The following STX8 variants were observed in gnomAD, a reference collection of about 807,000 sequenced individuals.
STX8 encodes the protein syntaxin-8.
A neutral mutation model predicts 37.5 loss-of-function variants in STX8; 23 were observed. The observed-to-expected ratio is 0.61, with a 90% CI of 0.44 to 0.87. The LOEUF (loss-of-function observed/expected upper bound fraction) is 0.87, where lower values mean the gene tolerates loss of function less well. Ranked by LOEUF, STX8 falls within the 40% of genes least tolerant of loss-of-function variation. The pLI is 0.00. For missense variants in STX8, 313 were observed against 284.7 expected (o/e 1.10, Z -0.71); for synonymous variants, 115 against 99.1 (o/e 1.16, Z -0.95).
chr17:9,543,355 G>A (rs888108027), intron 4 of STX8, among the ~76,000 whole-genome samples: 11 of 151,126 alleles, frequency 7.3e-5, no homozygotes, highest in Admixed American at 4.0e-4. Context: ...GTGCAGTGGC[G>A]TGATCTCGGC....
At position 9,367,799 on chromosome 17, in the gene STX8, C is replaced by T. The variant is rs561946170; in HGVS notation, c.643+10753G>A. ...AGGCTGGAGTGCAGTGGTAGGATCT[C>T]GGCTCACTGCAACCTCCACCTTCTG... On this transcript the variant is annotated intron_variant, in intron 7 of 7. Coordinates refer to ENST00000306357, the MANE Select transcript of STX8 (RefSeq NM_004853.3). Among the ~76,000 whole-genome samples, 51 of 152,178 alleles carry T rather than the reference C, an allele frequency of 3.4e-4. No individual in the cohort carries two copies. The South Asian group carries it at 7.3e-3, about 22-fold the overall frequency.
intron 6 of STX8, among the ~76,000 whole-genome samples, chr17:9,487,941 A>T (rs1423241728): frequency 1.3e-5 from 2 of 152,206 alleles, no homozygotes; most frequent in African/African-American, 4.8e-5. Flanking sequence ...TGCTTCTCAA[A>T]TCTGGCAGCA....
chr17:9,543,160 C>T (rs1359935853), intron 4 of STX8, among the ~76,000 whole-genome samples: 1 of 152,154 alleles, frequency 6.6e-6, no homozygotes, highest in Non-Finnish European at 1.5e-5. Flanking sequence ...ATGTTTTGTC[C>T]TCTTTCTGAC....
At chr17:9,418,235 G>A (rs988259963) in intron 6 of STX8, among the ~76,000 whole-genome samples, 1 of 152,112 alleles carries the variant, frequency 6.6e-6, no homozygotes, top group African/African-American at 2.4e-5. Flanking sequence ...CAGAGACGTG[G>A]TATTGGAAAA....
chr17:9,462,728 C>A (rs937609430), intron 6 of STX8, among the ~76,000 whole-genome samples: 1 of 152,038 alleles, frequency 6.6e-6, no homozygotes, highest in African/African-American at 2.4e-5. Flanking sequence ...GTCTCAACAA[C>A]GAAATAATTT....
At chr17:9,355,224 T>C (rs1910836863) in intron 7 of STX8, among the ~76,000 whole-genome samples, 1 of 152,156 alleles carries the variant, frequency 6.6e-6, no homozygotes, top group Non-Finnish European at 1.5e-5. Context: ...TTTCCTTTGG[T>C]AATTTGTTGA....
At chr17:9,565,556 C>T (rs142261240) in intron 2 of STX8, among the ~76,000 whole-genome samples, 1,685 of 140,644 alleles carry the variant, frequency 0.012, 17 homozygotes, top group Middle Eastern at 0.042. Context: ...GGAGAGGTTG[C>T]AGTGAGCTGA....
intron 7 of STX8, among the ~76,000 whole-genome samples, chr17:9,330,957 C>A (rs1909943886): frequency 6.6e-6 from 1 of 152,196 alleles, no homozygotes; most frequent in Admixed American, 6.5e-5. Context: ...GCAATTTTTT[C>A]TCTTTTTAAA....
intron 6 of STX8, among the ~76,000 whole-genome samples, chr17:9,385,930 C>T (rs777603128): frequency 2.0e-5 from 3 of 152,120 alleles, no homozygotes; most frequent in East Asian, 1.9e-4. Context: ...CGCGCCACTG[C>T]GCCTGTCTAA....
chr17:9,390,946 A>G (rs1239345838), intron 6 of STX8, among the ~76,000 whole-genome samples: 1 of 152,218 alleles, frequency 6.6e-6, no homozygotes, highest in Non-Finnish European at 1.5e-5. Flanking sequence ...CCCCCTCAAA[A>G]AAAAGTGACA....
At chr17:9,480,149 C>T (rs561761857) in intron 6 of STX8, among the ~76,000 whole-genome samples, 3 of 152,316 alleles carry the variant, frequency 2.0e-5, no homozygotes, top group African/African-American at 4.8e-5. Context: ...TGTGCAGTAT[C>T]TGTCCAGCAG....
chr17:9,319,811 C>T lies in STX8; in HGVS notation c.643+58741G>A, dbSNP rs149123456. On this transcript the variant is annotated intron_variant, in intron 7 of 7. Coordinates refer to ENST00000306357, the MANE Select transcript of STX8 (RefSeq NM_004853.3). ...ACTAAAAATACAAAAATTAGCCAGG[C>T]CTGGTGTCACACACTTGTAATCCGA... is the stretch of plus-strand genomic sequence containing the variant. Among the ~76,000 whole-genome samples the T allele has an allele frequency of 4.3e-3, 643 of 150,864 alleles. 6 individuals are homozygous for T. The highest frequency in any genetic ancestry group is 0.015 in the African/African-American group (603 of 41,086).
intron 7 of STX8, among the ~76,000 whole-genome samples, chr17:9,311,911 G>C (rs916514588): frequency 5.3e-5 from 8 of 151,942 alleles, no homozygotes; most frequent in Non-Finnish European, 1.5e-5. Flanking sequence ...GCAGCAGCGT[G>C]ATCTTGGCTC....
chr17:9,475,403 A>G (rs977028640), intron 6 of STX8, among the ~76,000 whole-genome samples: 4 of 152,186 alleles, frequency 2.6e-5, no homozygotes, highest in Non-Finnish European at 5.9e-5. Context: ...GTCAATGGCT[A>G]TTGGCAGCCA....
chr17:9,522,711 CA>C lies in STX8; in HGVS notation c.324-17550del, dbSNP rs1214393947. Among the ~76,000 whole-genome samples the C allele has an allele frequency of 3.2e-3, 454 of 142,830 alleles. 3 individuals are homozygous for C. The highest frequency in any genetic ancestry group is 0.01 in the African/African-American group (403 of 39,088). The allele number at this position is 142,830 out of a possible 152,430, so 93.7% of individuals were successfully genotyped here. ...TGGGCGAAAGAGCGAGACTCCATCT[CA>C]AAAAAAAAAAGTTGATATCATACAA... On this transcript the variant is annotated intron_variant, in intron 4 of 7. Transcript: ENST00000306357.
In STX8 at chr17:9,560,462, T is replaced by C. The variant is rs4461108; in HGVS notation, c.118-2934A>G. On this transcript the variant is annotated intron_variant, in intron 2 of 7. Transcript: ENST00000306357. ...TCATTAGTCATAAAGTGAAAAAAAATCAAGGGCATTCCTAAATTTAAGTAA... is the reference window on the plus strand; with the variant it reads ...TCATTAGTCATAAAGTGAAAAAAAACCAAGGGCATTCCTAAATTTAAGTAA... Among the ~76,000 whole-genome samples the C allele has an allele frequency of 8.4e-3, 1,129 of 133,992 alleles. 10 individuals carry two copies. Among genetic ancestry groups the C allele is most frequent in the South Asian group, 0.016 (67 of 4,256 alleles). The allele number at this position is 133,992 out of a possible 152,430, so 87.9% of individuals were successfully genotyped here.
At chr17:9,559,748 A>ATT (rs1907135223) in intron 2 of STX8, among the ~76,000 whole-genome samples, 1 of 31,022 alleles carries the variant, frequency 3.2e-5, no homozygotes, top group African/African-American at 1.4e-4. Context: ...ATATATATAT[A>ATT]TATATATATA....
At chr17:9,304,491 A>G (rs372882356) in intron 7 of STX8, among the ~76,000 whole-genome samples, 3 of 150,252 alleles carry the variant, frequency 2.0e-5, no homozygotes, top group African/African-American at 7.3e-5. Context: ...CCTGGGCAAC[A>G]AGAGCGAAAC....
chr17:9,540,247 G>C (rs565084182), intron 4 of STX8, among the ~76,000 whole-genome samples: 2 of 152,260 alleles, frequency 1.3e-5, no homozygotes, highest in African/African-American at 4.8e-5. Context: ...GGTCCACATG[G>C]TGCCATCTTC....
Sources: allele counts gnomAD v4.1 joint callset (sites outside exome capture counted in the v4.1 genomes callset), GRCh38; gene constraint gnomAD v4.1.1; transcripts MANE v1.5; gene names NCBI Gene and HGNC (gene_info 2026-07-23, HGNC 2026-07-21).